Variants in PID1 observed in about 807,000 individuals in gnomAD.
PID1 encodes the protein PTB-containing, cubilin and LRP1-interacting protein.
A neutral mutation model predicts 19.1 loss-of-function variants in PID1; 10 were observed. That is an observed-to-expected ratio of 0.52 (90% CI 0.32 to 0.89). The LOEUF is 0.89. Ranked by LOEUF, PID1 falls within the 40% of genes least tolerant of loss-of-function variation. The probability of loss-of-function intolerance (pLI) is 0.03; values close to 1 mark genes in which losing one functional copy is unlikely to be tolerated. For missense variants in PID1, 248 were observed against 285.3 expected, an observed-to-expected ratio of 0.87 and a Z score of 0.94; for synonymous variants, 130 against 116.0, an observed-to-expected ratio of 1.12 and a Z score of -0.78.
intron 2 of PID1, among the ~76,000 whole-genome samples, chr2:229,027,569 G>C (rs1693452909): frequency 6.6e-6 from 1 of 152,198 alleles, no homozygotes; most frequent in South Asian, 2.1e-4. Flanking sequence ...GCAAAGTACT[G>C]TGAGTGTTCA....
intron 1 of PID1, among the ~76,000 whole-genome samples, chr2:229,237,650 G>C (rs555796221): frequency 6.6e-6 from 1 of 152,272 alleles, no homozygotes; most frequent in South Asian, 2.1e-4. Context: ...TAGGTGTTTT[G>C]CTTAAAATTG....
intron 2 of PID1, among the ~76,000 whole-genome samples, chr2:229,063,595 C>T (rs1169774120): frequency 1.3e-5 from 2 of 152,060 alleles, no homozygotes; most frequent in Non-Finnish European, 1.5e-5. Context: ...AAAGTGTAAT[C>T]TGCTGCTGTT....
At chr2:229,039,221 G>A (rs1292736205) in intron 2 of PID1, among the ~76,000 whole-genome samples, 1 of 152,118 alleles carries the variant, frequency 6.6e-6, no homozygotes, top group African/African-American at 2.4e-5. Context: ...GGTACTAGAT[G>A]AGCTTTTTTA....
intron 1 of PID1, among the ~76,000 whole-genome samples, chr2:229,195,470 C>T (rs535220630): frequency 6.6e-6 from 1 of 151,656 alleles, no homozygotes; most frequent in Non-Finnish European, 1.5e-5. Context: ...TACATATATT[C>T]ATATTTTTCC....
intron 1 of PID1, among the ~76,000 whole-genome samples, chr2:229,218,001 A>G (rs959243851): frequency 1.3e-5 from 2 of 152,190 alleles, no homozygotes; most frequent in African/African-American, 2.4e-5. Flanking sequence ...ATCCTCCCCA[A>G]GCCTAACTCC....
intron 1 of PID1, among the ~76,000 whole-genome samples, chr2:229,189,210 T>C (rs1164187614): frequency 6.6e-6 from 1 of 152,190 alleles, no homozygotes; most frequent in Non-Finnish European, 1.5e-5. Context: ...CACTGAATCC[T>C]CTGCTCACCA....
At chr2:229,103,724 C>T (rs763809860) in intron 2 of PID1, among the ~76,000 whole-genome samples, 1 of 151,912 alleles carries the variant, frequency 6.6e-6, no homozygotes, top group Non-Finnish European at 1.5e-5. Context: ...TTACAGGTGC[C>T]CGCCACCATG....
intron 2 of PID1, among the ~76,000 whole-genome samples, chr2:229,098,956 A>T (rs563956228): frequency 1.1e-3 from 163 of 152,238 alleles, no homozygotes; most frequent in African/African-American, 3.4e-3. Flanking sequence ...CTTCTCTAAT[A>T]CTAAAGAGAC....
chr2:229,031,968 CTT>C (rs1683591813), intron 2 of PID1, among the ~76,000 whole-genome samples: 1 of 152,160 alleles, frequency 6.6e-6, no homozygotes, highest in Admixed American at 6.5e-5. Flanking sequence ...GAACTTCCCT[CTT>C]TATTTTTTTG....
intron 2 of PID1, among the ~76,000 whole-genome samples, chr2:229,072,186 T>C (rs975474058): frequency 6.6e-6 from 1 of 152,218 alleles, no homozygotes; most frequent in Non-Finnish European, 1.5e-5. Flanking sequence ...CCTAAAATAA[T>C]AATAAATAAT....
intron 1 of PID1, among the ~76,000 whole-genome samples, chr2:229,177,632 G>A (rs1314588276): frequency 6.6e-6 from 1 of 151,932 alleles, no homozygotes; most frequent in Non-Finnish European, 1.5e-5. Flanking sequence ...TCTACAGATT[G>A]TTGTTTTAGA....
intron 2 of PID1, among the ~76,000 whole-genome samples, chr2:229,108,286 T>C (rs1695219089): frequency 6.6e-6 from 1 of 152,170 alleles, no homozygotes. Flanking sequence ...GTTTATTAGT[T>C]TATTAGGAGA....
chr2:229,042,308 A>G (rs1316080804), intron 2 of PID1, among the ~76,000 whole-genome samples: 1 of 152,216 alleles, frequency 6.6e-6, no homozygotes, highest in African/African-American at 2.4e-5. Flanking sequence ...TTTTGTTAAA[A>G]TTATTTCATA....
intron 2 of PID1, among the ~76,000 whole-genome samples, chr2:229,057,373 T>C (rs1306946417): frequency 6.6e-6 from 1 of 151,484 alleles, no homozygotes; most frequent in Non-Finnish European, 1.5e-5. Context: ...GGAGAGTCGC[T>C]TGAATCCAGG....
intron 1 of PID1, among the ~76,000 whole-genome samples, chr2:229,158,461 T>C (rs1690426742): frequency 6.6e-6 from 1 of 152,138 alleles, no homozygotes; most frequent in South Asian, 2.1e-4. Context: ...CAGTAGAATA[T>C]AAAAGCACCA....
At position 229,046,913 on chromosome 2, in the gene PID1, C is replaced by T. The variant is rs79786971; in HGVS notation, c.178-20805G>A. Among the ~76,000 whole-genome samples the T allele has an allele frequency of 2.4e-3, 367 of 152,330 alleles. 8 individuals carry two copies. In the East Asian group the frequency reaches 0.054, roughly 22 times the overall value. On this transcript the variant is annotated intron_variant, in intron 2 of 2. Transcript: ENST00000392055. ...CCTTCAATCTCCCAAAACCCCCAGCCTGTGCTTATAAAAATTGAATCACTC... is the reference window on the plus strand; with the variant it reads ...CCTTCAATCTCCCAAAACCCCCAGCTTGTGCTTATAAAAATTGAATCACTC...
chr2:229,163,750 A>G (rs560877761), intron 1 of PID1, among the ~76,000 whole-genome samples: 58 of 152,130 alleles, frequency 3.8e-4, no homozygotes, highest in African/African-American at 1.3e-3. Context: ...ACACACACGC[A>G]CACACACAAA....
At chr2:229,254,403 C>T (rs1037004558) in intron 1 of PID1, among the ~76,000 whole-genome samples, 6 of 152,174 alleles carry the variant, frequency 3.9e-5, no homozygotes, top group African/African-American at 1.2e-4. Flanking sequence ...ACAACTAATG[C>T]TATTACCCAA....
At position 229,093,373 on chromosome 2, in the gene PID1, C is replaced by T. The variant is rs139723254; in HGVS notation, c.177+62445G>A. Reference sequence around the variant, plus strand: ...TCCTGGCCTCAAGTGATCCACCTACCTCGGCCTCCCCAAGTGCTGGGATTA... The same window carrying T: ...TCCTGGCCTCAAGTGATCCACCTACTTCGGCCTCCCCAAGTGCTGGGATTA... On this transcript the variant is annotated intron_variant, in intron 2 of 2. Transcript: ENST00000392055. 6.8e-3 allele frequency among the ~76,000 whole-genome samples: 1,042 copies of T among 152,142 alleles called. 4 individuals are homozygous for T. The highest frequency in any genetic ancestry group is 8.6e-3 in the Non-Finnish European group (587 of 68,010).
Sources: allele counts gnomAD v4.1 joint callset (sites outside exome capture counted in the v4.1 genomes callset), GRCh38; gene constraint gnomAD v4.1.1; transcripts MANE v1.5; gene names NCBI Gene and HGNC (gene_info 2026-07-23, HGNC 2026-07-21).